Variants in RBFOX1 observed in about 807,000 individuals in gnomAD.
RBFOX1 encodes RNA binding fox-1 homolog 1.
RBFOX1 carries 8 observed loss-of-function variants against 57.7 expected under a neutral mutation model. The ratio of observed to expected loss-of-function variants is 0.14; its 90% CI spans 0.08 to 0.25. The LOEUF (loss-of-function observed/expected upper bound fraction) is 0.25, where lower values mean the gene tolerates loss of function less well. Ranked by LOEUF, RBFOX1 falls within the 10% of genes least tolerant of loss-of-function variation. The pLI, the probability that RBFOX1 is intolerant of heterozygous loss-of-function variation, is 1.00. For synonymous variants in RBFOX1, 326 were observed against 222.4 expected, an observed-to-expected ratio of 1.47 and a Z score of -4.15; for missense variants, 611 against 548.5, an observed-to-expected ratio of 1.11 and a Z score of -1.14.
At chr16:6,255,799 C>G (rs1047356939) in intron 1 of RBFOX1, among the ~76,000 whole-genome samples, 3 of 151,928 alleles carry the variant, frequency 2.0e-5, no homozygotes, top group Non-Finnish European at 4.4e-5. Flanking sequence ...GAACAAAAAA[C>G]GAAACACCGC....
intron 4 of RBFOX1, among the ~76,000 whole-genome samples, chr16:5,968,892 A>G (rs1239724458): frequency 6.6e-6 from 1 of 151,796 alleles, no homozygotes; most frequent in African/African-American, 2.4e-5. Flanking sequence ...CTTTTTATTT[A>G]TCTCTCTTTT....
intron 1 of RBFOX1, among the ~76,000 whole-genome samples, chr16:5,452,839 TG>T (rs1281980344): frequency 2.6e-5 from 4 of 152,008 alleles, no homozygotes; most frequent in Non-Finnish European, 5.9e-5. Context: ...GGACGGGGTT[TG>T]CTCAGGCTGG....
intron 1 of RBFOX1, among the ~76,000 whole-genome samples, chr16:5,463,343 A>G (rs1258250519): frequency 6.6e-6 from 1 of 152,160 alleles, no homozygotes; most frequent in Non-Finnish European, 1.5e-5. Context: ...TTTTCAAGTG[A>G]CTGTTCTATG....
chr16:7,580,241 G>A (rs1354733110), intron 6 of RBFOX1, among the ~76,000 whole-genome samples: 1 of 152,120 alleles, frequency 6.6e-6, no homozygotes, highest in African/African-American at 2.4e-5. Flanking sequence ...CAATGGCCCA[G>A]GACATCATAC....
intron 1 of RBFOX1, among the ~76,000 whole-genome samples, chr16:6,057,509 G>A (rs1419882880): frequency 6.6e-6 from 1 of 151,908 alleles, no homozygotes; most frequent in Non-Finnish European, 1.5e-5. Flanking sequence ...TAGGCTTTGG[G>A]AATACAATGT....
intron 10 of RBFOX1, among the ~76,000 whole-genome samples, chr16:7,610,742 G>C (rs954351223): frequency 2.6e-5 from 4 of 152,196 alleles, no homozygotes; most frequent in Non-Finnish European, 4.4e-5. Context: ...AACACTGAAA[G>C]TCTGGCTGGC....
intron 1 of RBFOX1, among the ~76,000 whole-genome samples, chr16:5,309,075 A>C (rs1416477783): frequency 6.6e-6 from 1 of 151,940 alleles, no homozygotes; most frequent in African/African-American, 2.4e-5. Flanking sequence ...CTTTAAACAC[A>C]CTCCACGAAT....
chr16:7,073,558 C>G (rs754509969), intron 4 of RBFOX1, among the ~76,000 whole-genome samples: 1 of 152,124 alleles, frequency 6.6e-6, no homozygotes, highest in Non-Finnish European at 1.5e-5. Context: ...ATGATAAATA[C>G]CATGGCTGGT....
At chr16:6,780,466 T>TTATATATATATTTA (rs1214727380) in intron 3 of RBFOX1, among the ~76,000 whole-genome samples, 4 of 96,512 alleles carry the variant, frequency 4.1e-5, no homozygotes, top group South Asian at 4.0e-4. Context: ...TTATATATAT[T>TTATATATATATTTA]TATATACATT....
chr16:7,681,706 A>C (rs1050229074), intron 14 of RBFOX1, among the ~76,000 whole-genome samples: 2 of 152,044 alleles, frequency 1.3e-5, no homozygotes, highest in African/African-American at 4.8e-5. Context: ...TATTTTATGG[A>C]CATTATGTTT....
At chr16:6,690,602 T>C (rs2060065627) in intron 3 of RBFOX1, among the ~76,000 whole-genome samples, 1 of 152,182 alleles carries the variant, frequency 6.6e-6, no homozygotes, top group Non-Finnish European at 1.5e-5. Flanking sequence ...CATTATTTAG[T>C]AAGACCAAGC....
At chr16:7,292,428 A>C (rs2095807942) in intron 4 of RBFOX1, among the ~76,000 whole-genome samples, 1 of 142,652 alleles carries the variant, frequency 7.0e-6, no homozygotes, top group African/African-American at 2.6e-5. Context: ...TATATAAGGT[A>C]TTATATATAA....
At chr16:6,305,946 G>C (rs1238620041) in intron 1 of RBFOX1, among the ~76,000 whole-genome samples, 2 of 152,174 alleles carry the variant, frequency 1.3e-5, no homozygotes, top group Non-Finnish European at 2.9e-5. Context: ...AGAAGGAGCT[G>C]TCAGTGCAGG....
intron 3 of RBFOX1, among the ~76,000 whole-genome samples, chr16:5,659,399 GT>G (rs1288555293): frequency 6.6e-6 from 1 of 151,358 alleles, no homozygotes; most frequent in African/African-American, 2.4e-5. Flanking sequence ...TGCCTCCCGG[GT>G]TCACGTCATT....
At chr16:5,849,368 G>T (rs2056834824) in intron 3 of RBFOX1, among the ~76,000 whole-genome samples, 1 of 152,068 alleles carries the variant, frequency 6.6e-6, no homozygotes. Flanking sequence ...TCACCATGAG[G>T]CCCTGCTTCC....
rs184141823 is a variant in RBFOX1, at chr16:5,451,834, T to C, written c.220-15382T>C. 1.2e-3 allele frequency among the ~76,000 whole-genome samples: 189 copies of C among 152,236 alleles called. 2 individuals carry two copies. Among genetic ancestry groups the C allele is most frequent in the African/African-American group, 4.4e-3 (184 of 41,518 alleles). ...CCCTTTCAAGTTTTACTTTGCATAC[T>C]CTCTGGGTGGGCTTAGTCATGCCTA... On this transcript the variant is annotated intron_variant, in intron 1 of 2. Transcript: ENST00000585867.
intron 4 of RBFOX1, among the ~76,000 whole-genome samples, chr16:5,940,209 C>T (rs780745875): frequency 1.6e-4 from 25 of 152,180 alleles, no homozygotes; most frequent in Non-Finnish European, 1.0e-4. Flanking sequence ...CATTGAGAAA[C>T]CATCTCTAGT....
At chr16:7,701,329 C>T (rs759292323) in intron 14 of RBFOX1, among the ~76,000 whole-genome samples, 4 of 151,868 alleles carry the variant, frequency 2.6e-5, no homozygotes, top group Non-Finnish European at 5.9e-5. Context: ...GCAACGCTTC[C>T]TGTTTGCAGC....
chr16:7,457,212 A>G (rs1567267330), intron 4 of RBFOX1, among the ~76,000 whole-genome samples: 1 of 151,972 alleles, frequency 6.6e-6, no homozygotes, highest in Non-Finnish European at 1.5e-5. Context: ...TATCACTCAT[A>G]CAGCGGGTCC....
Sources: gnomAD v4.1 joint callset for allele counts (sites outside exome capture counted in the v4.1 genomes callset) on GRCh38, gnomAD v4.1.1 for gene constraint, MANE v1.5 for transcripts, NCBI Gene and HGNC (gene_info 2026-07-23, HGNC 2026-07-21) for gene names.